The following HPSE2 variants were observed in gnomAD, a reference collection of about 807,000 sequenced individuals.
The protein encoded by HPSE2 is inactive heparanase-2.
A neutral mutation model predicts 60.5 loss-of-function variants in HPSE2; 38 were observed. The observed-to-expected ratio is 0.63, with a 90% CI of 0.48 to 0.82. The LOEUF (loss-of-function observed/expected upper bound fraction) is 0.82. Among genes scored for constraint, HPSE2 ranks in the 40% least tolerant of loss-of-function variants. The pLI is 0.00. For missense variants in HPSE2, 713 were observed against 740.4 expected (o/e 0.96, Z 0.43); for synonymous variants, 295 against 293.2 (o/e 1.01, Z -0.06).
chr10:99,141,946 A>G (rs915136867), intron 3 of HPSE2, among the ~76,000 whole-genome samples: 3 of 152,248 alleles, frequency 2.0e-5, no homozygotes, highest in African/African-American at 7.2e-5. Flanking sequence ...CCAGAAAACA[A>G]TTACTATACA....
chr10:99,030,936 T>C (rs1425569268), intron 3 of HPSE2, among the ~76,000 whole-genome samples: 3 of 151,990 alleles, frequency 2.0e-5, no homozygotes. Context: ...ATCAAAACAA[T>C]TGGACTTAAT....
chr10:99,177,622 C>G (rs935043984), intron 2 of HPSE2, among the ~76,000 whole-genome samples: 7 of 152,106 alleles, frequency 4.6e-5, no homozygotes, highest in African/African-American at 1.7e-4. Flanking sequence ...ATTCATAAAG[C>G]AAGTTCTTAG....
At position 98,571,940 on chromosome 10, in the gene HPSE2, C is replaced by CTTTCTTTTTT. The variant is rs560289933; in HGVS notation, c.1320+42963_1320+42964insAAAAAAGAAA. On this transcript the variant is annotated intron_variant, in intron 9 of 11. Transcript: ENST00000370552. ...AATTCAGAGCAAGAGAATTCCTTTT[C>CTTTCTTTTTT]TTTTTTTTTTTTTTTTGAGACGGAG... 9.2e-5 allele frequency among the ~76,000 whole-genome samples: 13 copies of CTTTCTTTTTT among 140,714 alleles called. 2 individuals are homozygous for CTTTCTTTTTT. Among genetic ancestry groups the CTTTCTTTTTT allele is most frequent in the Non-Finnish European group, 1.2e-4 (8 of 65,556 alleles). 92.3% of individuals were successfully genotyped at this position (140,714 alleles called of 152,430 possible).
chr10:98,577,819 A>G (rs1944683645), intron 9 of HPSE2, among the ~76,000 whole-genome samples: 2 of 152,162 alleles, frequency 1.3e-5, no homozygotes, highest in Non-Finnish European at 2.9e-5. Flanking sequence ...CATTGACAAT[A>G]AAGTTTATAA....
Position 98,721,756 on chromosome 10 carries a change from AG to A in HPSE2, c.856del (p.Leu286Ter). On this transcript the variant is annotated frameshift_variant, in exon 5 of 12. Coordinates refer to ENST00000370552, the MANE Select transcript of HPSE2 (RefSeq NM_021828.5). LOFTEE classifies it high-confidence loss of function. The stretch of plus-strand genomic sequence containing the variant: ...CCGGATGGGCTGCAACAGGCTCTTC[AG>A]CTGGATGTAATCCTTTCCCAACTGG... ...GSQLGKDYIQ[L>X]KSLLQPIRIY... The A allele has an allele frequency of 6.2e-7, 1 of 1,613,806 alleles. No homozygotes were observed. The highest frequency in any genetic ancestry group is 1.3e-5 in the African/African-American group (1 of 74,998).
At chr10:98,981,509 A>G (rs546018638) in intron 3 of HPSE2, among the ~76,000 whole-genome samples, 18 of 152,296 alleles carry the variant, frequency 1.2e-4, no homozygotes, top group Admixed American at 4.6e-4. Context: ...ATTTATGAAA[A>G]GTTGGCATGA....
At chr10:99,022,922 C>T (rs1370912809) in intron 3 of HPSE2, among the ~76,000 whole-genome samples, 2 of 152,090 alleles carry the variant, frequency 1.3e-5, no homozygotes, top group African/African-American at 2.4e-5. Flanking sequence ...CACATTACCA[C>T]CTGTGCTGGC....
At chr10:98,558,087 A>G (rs370323844) in intron 9 of HPSE2, among the ~76,000 whole-genome samples, 18 of 152,270 alleles carry the variant, frequency 1.2e-4, no homozygotes, top group African/African-American at 3.4e-4. Context: ...AACAAAATCA[A>G]CACCACTACA....
intron 4 of HPSE2, among the ~76,000 whole-genome samples, chr10:98,742,395 C>A (rs1369823256): frequency 1.3e-5 from 2 of 152,170 alleles, no homozygotes; most frequent in African/African-American, 4.8e-5. Context: ...CATGGGCACA[C>A]ACACACACTC....
intron 5 of HPSE2, among the ~76,000 whole-genome samples, chr10:98,710,046 A>T (rs1483196600): frequency 1.3e-5 from 2 of 152,238 alleles, no homozygotes; most frequent in African/African-American, 2.4e-5. Flanking sequence ...GCCGTTCTAC[A>T]CAAAAGCCTA....
At chr10:98,539,075 C>A (rs1241742197) in intron 9 of HPSE2, among the ~76,000 whole-genome samples, 1 of 152,198 alleles carries the variant, frequency 6.6e-6, no homozygotes, top group African/African-American at 2.4e-5. Flanking sequence ...TAGGGGAAGG[C>A]AAAACATGAC....
chr10:98,871,196 T>C (rs1423778210), intron 3 of HPSE2, among the ~76,000 whole-genome samples: 3 of 152,134 alleles, frequency 2.0e-5, no homozygotes, highest in Non-Finnish European at 4.4e-5. Context: ...ACACCTAATA[T>C]AGATGCTCAA....
chr10:98,789,620 T>C (rs999343621), intron 3 of HPSE2, among the ~76,000 whole-genome samples: 5 of 152,144 alleles, frequency 3.3e-5, no homozygotes, highest in Non-Finnish European at 5.9e-5. Context: ...CTGTCTTGAG[T>C]AGGGCTGACC....
intron 7 of HPSE2, among the ~76,000 whole-genome samples, chr10:98,636,736 C>T (rs1946511879): frequency 6.6e-6 from 1 of 152,160 alleles, no homozygotes; most frequent in African/African-American, 2.4e-5. Flanking sequence ...ATAATATGGA[C>T]AGTACTTTTG....
intron 9 of HPSE2, among the ~76,000 whole-genome samples, chr10:98,567,748 GGTGTGT>G (rs57706769): frequency 1.3e-5 from 2 of 151,200 alleles, no homozygotes; most frequent in Non-Finnish European, 3.0e-5. Context: ...ACAAATGGAT[GGTGTGT>G]GTGTGTGTGT....
At chr10:99,095,102 C>A (rs1442822113) in intron 3 of HPSE2, among the ~76,000 whole-genome samples, 1 of 151,950 alleles carries the variant, frequency 6.6e-6, no homozygotes, top group African/African-American at 2.4e-5. Context: ...AGGAGTATCA[C>A]CTGAGCCCAG....
At chr10:98,869,068 T>C (rs937816248) in intron 3 of HPSE2, among the ~76,000 whole-genome samples, 5 of 152,028 alleles carry the variant, frequency 3.3e-5, no homozygotes, top group African/African-American at 1.2e-4. Context: ...TGCGCACGCG[T>C]GTGTGTTTTC....
At position 98,941,108 on chromosome 10, in the gene HPSE2, G is replaced by A. The variant is rs1456478213; in HGVS notation, c.611-197052C>T. On this transcript the variant is annotated intron_variant, in intron 3 of 11. Coordinates refer to ENST00000370552, the MANE Select transcript of HPSE2 (RefSeq NM_021828.5). ...CAAAAGAATAAGAGCTATCTATGACGAACCCACAGCCAGTATCATCCTGAA... is the reference window on the plus strand; with the variant it reads ...CAAAAGAATAAGAGCTATCTATGACAAACCCACAGCCAGTATCATCCTGAA... Among the ~76,000 whole-genome samples the A allele has an allele frequency of 6.3e-5, 9 of 142,354 alleles. 1 individual carries two copies. Among genetic ancestry groups the A allele is most frequent in the East Asian group, 2.0e-4 (1 of 5,042 alleles). 93.4% of individuals were successfully genotyped at this position (142,354 alleles called of 152,430 possible).
intron 9 of HPSE2, among the ~76,000 whole-genome samples, chr10:98,595,836 G>T (rs1945220225): frequency 6.6e-6 from 1 of 152,100 alleles, no homozygotes; most frequent in Admixed American, 6.5e-5. Context: ...TTAGCTGTGG[G>T]TTTGTCATAT....
Sources: allele counts gnomAD v4.1 joint callset (sites outside exome capture counted in the v4.1 genomes callset), GRCh38; gene constraint gnomAD v4.1.1; transcripts MANE v1.5; gene names NCBI Gene and HGNC (gene_info 2026-07-23, HGNC 2026-07-21).